The following ACOX3 variants were observed in gnomAD, a reference collection of about 807,000 sequenced individuals.
ACOX3 encodes peroxisomal acyl-coenzyme A oxidase 3.
ACOX3 carries 73 observed loss-of-function variants against 81.5 expected under a neutral mutation model. That is an observed-to-expected ratio of 0.90 (90% confidence interval 0.74 to 1.09). The LOEUF (loss-of-function observed/expected upper bound fraction) is 1.09, where lower values mean the gene tolerates loss of function less well. Among genes scored for constraint, ACOX3 ranks in the 50% least tolerant of loss-of-function variants. The pLI is 0.00. For missense variants in ACOX3, 947 were observed against 928.0 expected (o/e 1.02, Z -0.27); for synonymous variants, 387 against 375.1 (o/e 1.03, Z -0.37).
rs1158467595 is a variant in ACOX3, at chr4:8,389,565, C to A, written c.1423+47G>T. On this transcript the variant is annotated intron_variant, in intron 12 of 17. Transcript: ENST00000356406. The surrounding 1 kb of genome is among the most constrained non-coding windows in gnomAD (Gnocchi z 5.3). ...GTGAGGCCAGGAGAACCCACCCCTG[C>A]CCCAGTTGGGTTCCAGCGCCCCCAC... The A allele has an allele frequency of 2.5e-6, 4 of 1,611,354 alleles. No homozygotes were observed. Among genetic ancestry groups the A allele is most frequent in the Non-Finnish European group, 3.4e-6 (4 of 1,179,270 alleles).
intron 9 of ACOX3, among the ~76,000 whole-genome samples, chr4:8,396,125 C>T (rs899299459): frequency 6.6e-6 from 1 of 152,244 alleles, no homozygotes; most frequent in South Asian, 2.1e-4. Context: ...TGCATGTCAA[C>T]AGCTGCCCCA....
rs1478013013 is a variant in ACOX3, at chr4:8,384,208, TTA to T, written c.1538-2603_1538-2602del. Among the ~76,000 whole-genome samples, 1 of 152,166 alleles carries T rather than the reference TTA, an allele frequency of 6.6e-6. No individual in the cohort carries two copies. Among genetic ancestry groups the T allele is most frequent in the Non-Finnish European group, 1.5e-5 (1 of 68,036 alleles). ...GTGAGAGGGACGCTTGAGAAATGAG[TTA>T]TGTTTGCACTGTGTTTTTTCCTTAC... On this transcript the variant is annotated intron_variant, in intron 13 of 17. Transcript: ENST00000356406. The surrounding 1 kb of genome is among the most constrained non-coding windows in gnomAD (Gnocchi z 5.3).
In ACOX3 at chr4:8,399,572, T is replaced by A. The variant is rs772841145; in HGVS notation, c.857A>T (p.Tyr286Phe). 3.1e-6 allele frequency: 5 copies of A among 1,613,838 alleles called. No homozygotes were observed. Among genetic ancestry groups the A allele is most frequent in the Non-Finnish European group, 3.4e-6 (4 of 1,179,790 alleles). The part of the protein sequence containing the change: ...RMGDVTPEGT[Y>F]VSPFKDVRQR... ...TGCCTGTACCTTAAAGGGGCTGACA[T>A]AGGTGCCCTCGGGGGTGACGTCTCC... The change falls in exon 8 of 18, where the codon TAT becomes TTT. Residue 286 changes from tyrosine (Y) to phenylalanine (F), a missense_variant. Physicochemically the swap from Tyr to Phe is conservative, Grantham distance 22 (BLOSUM62 3). Coordinates refer to ENST00000356406, the MANE Select transcript of ACOX3 (RefSeq NM_003501.3). This position sits in a 1 kb window ranked among gnomAD's most constrained non-coding sequence, Gnocchi z 4.9.
chr4:8,388,174 G>A (rs1397555364), intron 13 of ACOX3, among the ~76,000 whole-genome samples: 1 of 152,166 alleles, frequency 6.6e-6, no homozygotes, highest in Non-Finnish European at 1.5e-5. Flanking sequence ...GCCTTTCACT[G>A]ACCTCAATTC....
chr4:8,426,459 C>T lies in ACOX3; in HGVS notation c.-14-9924G>A, dbSNP rs150405548. ...AGAGGATCTGCACCTGCTCTTCAAG[C>T]GACAACTGCGAGGAAAGTAACTGGA... is the stretch of plus-strand genomic sequence containing the variant. On this transcript the variant is annotated intron_variant, in intron 1 of 17. Coordinates refer to ENST00000356406, the MANE Select transcript of ACOX3 (RefSeq NM_003501.3). Among the ~76,000 whole-genome samples, 520 of 152,100 alleles carry T rather than the reference C, an allele frequency of 3.4e-3. 6 individuals carry two copies. Among genetic ancestry groups the T allele is most frequent in the African/African-American group, 0.012 (507 of 41,472 alleles).
chr4:8,375,485 TAC>T (rs1418654507), intron 14 of ACOX3, among the ~76,000 whole-genome samples: 4 of 152,172 alleles, frequency 2.6e-5, no homozygotes, highest in African/African-American at 7.2e-5. Context: ...GCTCTGCGGC[TAC>T]AGAGTGGGCG....
chr4:8,388,893 C>T (rs943985087), intron 13 of ACOX3, among the ~76,000 whole-genome samples: 3 of 152,298 alleles, frequency 2.0e-5, no homozygotes, highest in Non-Finnish European at 4.4e-5. Flanking sequence ...CAGGTGGCCT[C>T]TCACGCCCTT....
At chr4:8,371,034 G>C in intron 16 of ACOX3, 40 bp from the exon 17 acceptor site, 1 of 1,591,700 alleles carries the variant, frequency 6.3e-7, no homozygotes, top group Non-Finnish European at 8.6e-7. Flanking sequence ...CACCTCCCGG[G>C]AATTTCCATG....
chr4:8,374,726 G>C lies in ACOX3; in HGVS notation c.1828+252C>G, dbSNP rs573284684. 1.0e-5 allele frequency: 4 copies of C among 389,388 alleles called. No individual in the cohort carries two copies. In the South Asian group the frequency reaches 4.0e-4, roughly 39 times the overall value. 24.1% of individuals were successfully genotyped at this position (389,388 alleles called of 1,614,324 possible). The stretch of plus-strand genomic sequence containing the variant: ...CCCGGCAGGCTGCCTGGCATGAGGG[G>C]GCCTTCTGGAAGTGTTCTCTGAACC... On this transcript the variant is annotated intron_variant, in intron 15 of 17. Transcript: ENST00000356406.
chr4:8,402,778 C>T (rs969048968), intron 7 of ACOX3, among the ~76,000 whole-genome samples: 1 of 152,214 alleles, frequency 6.6e-6, no homozygotes, highest in Admixed American at 6.5e-5. Context: ...ACTGGACATG[C>T]ACGTGGCACG....
chr4:8,386,425 G>T lies in ACOX3; in HGVS notation c.1537+2748C>A, dbSNP rs1245237511. Among the ~76,000 whole-genome samples, 6 of 152,028 alleles carry T rather than the reference G, an allele frequency of 3.9e-5. No individual in the cohort carries two copies. The highest frequency in any genetic ancestry group is 8.8e-5 in the Non-Finnish European group (6 of 67,998). ...ACTAAAAATACAAAAAATTAGCCGG[G>T]TGTGGTTGTGGGCTCCTGTAGTCCC... On this transcript the variant is annotated intron_variant, in intron 13 of 17. Coordinates refer to ENST00000356406, the MANE Select transcript of ACOX3 (RefSeq NM_003501.3). This position sits in a 1 kb window ranked among gnomAD's most constrained non-coding sequence, Gnocchi z 5.2.
At chr4:8,410,717 CCT>C (rs1288378309) in intron 5 of ACOX3, among the ~76,000 whole-genome samples, 2 of 151,936 alleles carry the variant, frequency 1.3e-5, no homozygotes, top group African/African-American at 4.8e-5. Flanking sequence ...CTGTCTGTGC[CCT>C]GTGGGCAGGG....
At chr4:8,374,088 C>A in intron 15 of ACOX3, 1 of 194,828 alleles carries the variant, frequency 5.1e-6, no homozygotes, top group Non-Finnish European at 1.1e-5. Context: ...TCAGAGGCCG[C>A]AGGGGGACTT....
At chr4:8,362,353 C>A (rs1407995417), downstream of ACOX3, among the ~76,000 whole-genome samples, 1 of 152,210 alleles carries the variant, frequency 6.6e-6, no homozygotes. Flanking sequence ...GGAAACTTTT[C>A]TTTTGAGCTA....
In ACOX3 at chr4:8,423,919, C is replaced by G. The variant is rs897539396; in HGVS notation, c.-14-7384G>C. Among the ~76,000 whole-genome samples, 1 of 152,210 alleles carries G rather than the reference C, an allele frequency of 6.6e-6. No individual in the cohort carries two copies. The highest frequency in any genetic ancestry group is 1.5e-5 in the Non-Finnish European group (1 of 68,038). On this transcript the variant is annotated intron_variant, in intron 1 of 17. Transcript: ENST00000356406. This position sits in a 1 kb window ranked among gnomAD's most constrained non-coding sequence, Gnocchi z 4.2. ...CTCATACTTGGGCACTCTTGTCCTT[C>G]GGTATGCGGATGATTTACTTTTAGC...
In ACOX3 at chr4:8,414,768, C is replaced by T. The variant is rs1560198261; in HGVS notation, c.453+86G>A. On this transcript the variant is annotated intron_variant, in intron 4 of 17. Transcript: ENST00000356406. This position sits in a 1 kb window ranked among gnomAD's most constrained non-coding sequence, Gnocchi z 6.1. ...AAGAGCATAAGCCCCCTGGGCACCC[C>T]CTTCTACAATCTTCTCTTTTCACAA... is the stretch of plus-strand genomic sequence containing the variant. 7.2e-7 allele frequency: 1 copy of T among 1,381,138 alleles called. No individual in the cohort carries two copies. The highest frequency in any genetic ancestry group is 1.0e-6 in the Non-Finnish European group (1 of 969,848). The allele number at this position is 1,381,138 out of a possible 1,614,324, so 85.6% of individuals were successfully genotyped here.
chr4:8,373,128 A>C (rs1716439406), intron 16 of ACOX3, among the ~76,000 whole-genome samples: 1 of 152,204 alleles, frequency 6.6e-6, no homozygotes. Context: ...TTGGAGGCTG[A>C]GTCCCCCGAA....
rs1723892000 is a variant in ACOX3, at chr4:8,430,445, C to T, written c.-15+10203G>A. 6.6e-6 allele frequency among the ~76,000 whole-genome samples: 1 copy of T among 152,236 alleles called. No individual in the cohort carries two copies. The highest frequency in any genetic ancestry group is 1.5e-5 in the Non-Finnish European group (1 of 68,042). The stretch of plus-strand genomic sequence containing the variant: ...ACTGTTTTTCAAATGTTTGGAGATA[C>T]TGTTGAGAGTAATAAAATAACCATT... On this transcript the variant is annotated intron_variant, in intron 1 of 17. Coordinates refer to ENST00000356406, the MANE Select transcript of ACOX3 (RefSeq NM_003501.3). The surrounding 1 kb of genome is among the most constrained non-coding windows in gnomAD (Gnocchi z 5.2).
chr4:8,381,746 G>T lies in ACOX3; in HGVS notation c.1538-139C>A. 1 of 654,086 alleles carries T rather than the reference G, an allele frequency of 1.5e-6. No individual in the cohort carries two copies. The highest frequency in any genetic ancestry group is 2.6e-6 in the Non-Finnish European group (1 of 381,706). 40.5% of individuals were successfully genotyped at this position (654,086 alleles called of 1,614,324 possible). ...CATTGACAACCAAGTGTATGGGGTG[G>T]GTCTGATTTTATAGGTAGGGAAACT... On this transcript the variant is annotated intron_variant, in intron 13 of 17. Coordinates refer to ENST00000356406, the MANE Select transcript of ACOX3 (RefSeq NM_003501.3). This position sits in a 1 kb window ranked among gnomAD's most constrained non-coding sequence, Gnocchi z 4.3.
Sources: gnomAD v4.1 joint callset for allele counts (sites outside exome capture counted in the v4.1 genomes callset) on GRCh38, gnomAD v4.1.1 for gene constraint, Gnocchi (gnomAD v3.1) non-coding constraint, MANE v1.5 for transcripts, NCBI Gene and HGNC (gene_info 2026-07-23, HGNC 2026-07-21) for gene names.